CASKIN2: variants seen among roughly 807,000 people sequenced by gnomAD.
CASKIN2 encodes the protein CASK interacting protein 2, also known as caskin-2.
CASKIN2 carries 41 observed loss-of-function variants against 107.1 expected under a neutral mutation model. The observed-to-expected ratio is 0.38, with a 90% confidence interval of 0.30 to 0.50. The LOEUF is 0.50. CASKIN2 is among the 20% of genes least tolerant of loss of function. The pLI is 0.92. For missense variants in CASKIN2, 1,546 were observed against 1,657.4 expected, an observed-to-expected ratio of 0.93 and a Z score of 1.17; for synonymous variants, 724 against 705.6, an observed-to-expected ratio of 1.03 and a Z score of -0.41.
chr17:75,510,923 C>A (rs887248570), intron 2 of CASKIN2, among the ~76,000 whole-genome samples: 1 of 151,924 alleles, frequency 6.6e-6, no homozygotes, highest in African/African-American at 2.4e-5. Context: ...TGAAACAATC[C>A]CTAGGCCAGC....
chr17:75,504,048 G>A, intron 14 of CASKIN2, 86 bp from the exon 15 acceptor site: 1 of 1,309,960 alleles, frequency 7.6e-7, no homozygotes, highest in Non-Finnish European at 1.1e-6. Flanking sequence ...TGCCTGAGCG[G>A]GGCTTCAGTC....
At position 75,501,784 on chromosome 17, in the gene CASKIN2, C is replaced by T. The variant is rs2053191896; in HGVS notation, c.3290G>A (p.Gly1097Glu). 2.6e-6 allele frequency: 4 copies of T among 1,534,014 alleles called. No individual in the cohort carries two copies. The African/African-American group carries it at 4.1e-5, about 16-fold the overall frequency. ...CCACAGGCCTCCCCTCTTACCTGCT[C>T]CGGGCACCTTGAGGAGGGCAGCAGG... ...AAPAALLKVP[G>E]AGTAPKPVSV... Residue 1097 changes from glycine (G) to glutamate (E), a missense_variant, in exon 18 of 20, where the codon GGA becomes GAA. Around this residue, in one of 6 missense-constraint regions of CASKIN2, gnomAD observed 1,311 missense variants for 1,311.0 expected, o/e 1.00. Transcript: ENST00000321617.
intron 18 of CASKIN2, 42 bp from the exon 19 acceptor site, chr17:75,501,732 GAC>G (rs1227275322): frequency 1.2e-5 from 19 of 1,533,432 alleles, no homozygotes; most frequent in Non-Finnish European, 1.5e-5. Flanking sequence ...GGCTGGGTCA[GAC>G]ACAACCCTGC....
rs1567996072 is a variant in CASKIN2, at chr17:75,506,735, T to TA, written c.487-23dup. 1.2e-6 allele frequency: 2 copies of TA among 1,613,624 alleles called. No individual in the cohort carries two copies. Among genetic ancestry groups the TA allele is most frequent in the Non-Finnish European group, 1.7e-6 (2 of 1,179,968 alleles). On this transcript the variant is annotated intron_variant, in intron 6 of 19. Coordinates refer to ENST00000321617, the MANE Select transcript of CASKIN2 (RefSeq NM_020753.5). The surrounding 1 kb of genome is among the most constrained non-coding windows in gnomAD (Gnocchi z 4.8). ...CCACCTGCAGCACCCAGTGCCCAGT[T>TA]AGAGCCTCCTCCTGAGACCCTGTAG...
chr17:75,502,471 G>A lies in CASKIN2; in HGVS notation c.2603C>T (p.Pro868Leu), dbSNP rs759375737. 10 of 1,450,560 alleles carry A rather than the reference G, an allele frequency of 6.9e-6. No individual in the cohort carries two copies. The highest frequency in any genetic ancestry group is 2.5e-5 in the East Asian group (1 of 40,210). 89.9% of individuals were successfully genotyped at this position (1,450,560 alleles called of 1,614,324 possible). ...SFALRARRKGPPPPPPKRLSS... is the reference protein window; with the variant it reads ...SFALRARRKGLPPPPPKRLSS... ...GAGGCGCTTGGGGGGCGGGGGCGGGGGGCCTTTGCGCCGGGCCCGCAGGGC... is the reference window on the plus strand; with the variant it reads ...GAGGCGCTTGGGGGGCGGGGGCGGGAGGCCTTTGCGCCGGGCCCGCAGGGC... Residue 868 changes from proline to leucine, a missense_variant, in exon 18 of 20, where the codon CCC becomes CTC. Pro to Leu is a moderately conservative substitution (Grantham distance 98). Around this residue, in one of 6 missense-constraint regions of CASKIN2, gnomAD observed 1,311 missense variants for 1,311.0 expected, o/e 1.00. Coordinates refer to ENST00000321617, the MANE Select transcript of CASKIN2 (RefSeq NM_020753.5). The surrounding 1 kb of genome is among the most constrained non-coding windows in gnomAD (Gnocchi z 4.3).
At chr17:75,509,292 G>A (rs534699763) in intron 2 of CASKIN2, among the ~76,000 whole-genome samples, 77 of 152,346 alleles carry the variant, frequency 5.1e-4, no homozygotes, top group Middle Eastern at 3.4e-3. Flanking sequence ...CCACCCTGCA[G>A]GGAAGGAGTG....
chr17:75,507,436 A>C, intron 4 of CASKIN2, 148 bp downstream of exon 4: 1 of 650,904 alleles, frequency 1.5e-6, no homozygotes, highest in Non-Finnish European at 2.7e-6. Flanking sequence ...TGAAGAGTAA[A>C]CGGGGAAAAG....
chr17:75,505,073 C>T lies in CASKIN2; in HGVS notation c.931G>A (p.Val311Met). ...LNVRAGDVIT[V>M]LEQHPDGRWK... The stretch of plus-strand genomic sequence containing the variant: ...CGGCCGTCGGGATGCTGTTCTAGCA[C>T]CTGCGGCCAGGGGTGGGGGGCGGGG... The change falls in exon 11 of 20, where the codon GTG (valine) becomes ATG (methionine). Residue 311 changes from valine (V) to methionine (M), a missense_variant and splice_region_variant. Around this residue, in one of 6 missense-constraint regions of CASKIN2, gnomAD observed 1,311 missense variants for 1,311.0 expected, o/e 1.00. Coordinates refer to ENST00000321617, the MANE Select transcript of CASKIN2 (RefSeq NM_020753.5). This position sits in a 1 kb window ranked among gnomAD's most constrained non-coding sequence, Gnocchi z 5.1. 1 of 1,610,128 alleles carries T rather than the reference C, an allele frequency of 6.2e-7. No homozygotes were observed. Among genetic ancestry groups the T allele is most frequent in the Non-Finnish European group, 8.5e-7 (1 of 1,179,462 alleles).
In CASKIN2 at chr17:75,505,207, C is replaced by A. The variant is rs1348044363; in HGVS notation, c.931-134G>T. The stretch of plus-strand genomic sequence containing the variant: ...CCCCTAAGGAGCTGGCCTCTGATGC[C>A]CACACTGGCCCAAGTTCCGCCCCTG... On this transcript the variant is annotated intron_variant, in intron 10 of 19. Transcript: ENST00000321617. This position sits in a 1 kb window ranked among gnomAD's most constrained non-coding sequence, Gnocchi z 5.1. 4 of 990,508 alleles carry A rather than the reference C, an allele frequency of 4.0e-6. No individual in the cohort carries two copies. Among genetic ancestry groups the A allele is most frequent in the Non-Finnish European group, 6.1e-6 (4 of 659,020 alleles). 61.4% of individuals were successfully genotyped at this position (990,508 alleles called of 1,614,324 possible).
At chr17:75,508,061 C>T (rs2053284502) in intron 3 of CASKIN2, among the ~76,000 whole-genome samples, 173 bp downstream of exon 3, 1 of 152,144 alleles carries the variant, frequency 6.6e-6, no homozygotes, top group Admixed American at 6.5e-5. Flanking sequence ...GGGCGGGTGC[C>T]CCCTCCCTCC....
intron 2 of CASKIN2, among the ~76,000 whole-genome samples, chr17:75,512,616 G>A (rs542593622): frequency 1.3e-5 from 2 of 152,292 alleles, no homozygotes; most frequent in East Asian, 1.9e-4. Context: ...CTTTTTAAAA[G>A]CTATCTCGTG....
intron 2 of CASKIN2, 135 bp from the exon 3 acceptor site, chr17:75,508,420 C>CG (rs765196383): frequency 2.2e-4 from 214 of 951,444 alleles, no homozygotes; most frequent in Admixed American, 1.2e-3. Flanking sequence ...CCGCCTGTCC[C>CG]GTCCCTGTGG....
rs775709526 is a variant in CASKIN2, at chr17:75,504,659, G to A, written c.1227C>T (p.Ser409=). 14 of 1,604,180 alleles carry A rather than the reference G, an allele frequency of 8.7e-6. No homozygotes were observed. The highest frequency in any genetic ancestry group is 1.3e-5 in the African/African-American group (1 of 74,730). ...TGCCGGCACTGCGGATGCTGCCCAC[G>A]CTGCCCTCACTGCCCACACTATTCC... The part of the protein sequence containing the change: ...GDRNSVGSEG[S]VGSIRSAGSG... The change falls in exon 12 of 20, where the codon AGC becomes AGT. Residue 409 remains serine, a synonymous_variant. Transcript: ENST00000321617.
chr17:75,514,341 T>C (rs1196491037), intron 1 of CASKIN2, 133 bp from the exon 2 acceptor site: 1 of 388,544 alleles, frequency 2.6e-6, no homozygotes, highest in Non-Finnish European at 4.5e-6. Context: ...TCGGAGTCGA[T>C]GGTGATGCTG....
chr17:75,508,679 A>G (rs1325869528), intron 2 of CASKIN2, among the ~76,000 whole-genome samples: 1 of 152,134 alleles, frequency 6.6e-6, no homozygotes, highest in African/African-American at 2.4e-5. Flanking sequence ...AGAGAGAAGG[A>G]AAGAGGCACT....
rs1398253977 is a variant in CASKIN2, at chr17:75,502,517, T to C, written c.2557A>G (p.Thr853Ala). ...AGGGCAAAGGACTGGCTGCGAGGAG[T>C]CCCCCGAGCTGGGGTTGGGGTCACA... ...PSVTPTPARG[T>A]PRSQSFALRA... The change falls in exon 18 of 20, where the codon ACT becomes GCT. Residue 853 changes from threonine to alanine, a missense_variant. Thr to Ala is a moderately conservative substitution (Grantham distance 58). Coordinates refer to ENST00000321617, the MANE Select transcript of CASKIN2 (RefSeq NM_020753.5). This position sits in a 1 kb window ranked among gnomAD's most constrained non-coding sequence, Gnocchi z 4.3. 2 of 1,470,486 alleles carry C rather than the reference T, an allele frequency of 1.4e-6. No homozygotes were observed. The highest frequency in any genetic ancestry group is 1.8e-6 in the Non-Finnish European group (2 of 1,106,348). The allele number at this position is 1,470,486 out of a possible 1,614,324, so 91.1% of individuals were successfully genotyped here. A position where few individuals can be genotyped will look rare whatever the true frequency, so the allele number is the denominator to read the frequency against.
rs202139616 is a variant in CASKIN2, at chr17:75,502,096, C to T, written c.2978G>A (p.Arg993Lys). 3.1e-6 allele frequency: 5 copies of T among 1,609,500 alleles called. No homozygotes were observed. The highest frequency in any genetic ancestry group is 1.7e-4 in the Middle Eastern group (1 of 6,056). The change falls in exon 18 of 20, where the codon AGG becomes AAG. Residue 993 changes from arginine to lysine, a missense_variant. By Grantham distance (26) the Arg-to-Lys change is conservative. Transcript: ENST00000321617. This position sits in a 1 kb window ranked among gnomAD's most constrained non-coding sequence, Gnocchi z 4.3. The stretch of plus-strand genomic sequence containing the variant: ...TGGCTCTCTCTCCCGGCACTTGGGC[C>T]TCCGCTTAACAGTGTCTGATTCCGT... ...NLTESDTVKR[R>K]PKCREREPLQ...
At chr17:75,515,042 C>T (rs930791461) in intron 1 of CASKIN2, among the ~76,000 whole-genome samples, 2 of 152,226 alleles carry the variant, frequency 1.3e-5, no homozygotes, top group African/African-American at 4.8e-5. Context: ...CCCCTCACTC[C>T]CCAAACGTCC....
At position 75,506,955 on chromosome 17, in the gene CASKIN2, G is replaced by A. The variant is rs2053272113; in HGVS notation, c.390+29C>T. 5 of 1,612,716 alleles carry A rather than the reference G, an allele frequency of 3.1e-6. No individual in the cohort carries two copies. The highest frequency in any genetic ancestry group is 1.1e-5 in the South Asian group (1 of 91,010). On this transcript the variant is annotated intron_variant, in intron 5 of 19. Coordinates refer to ENST00000321617, the MANE Select transcript of CASKIN2 (RefSeq NM_020753.5). The surrounding 1 kb of genome is among the most constrained non-coding windows in gnomAD (Gnocchi z 4.8). ...TGTCCGGCACCCCACCCTGCCCTGC[G>A]CCACGCCCCTGTGGGCAGCCTCACG...
Sources: gnomAD v4.1 joint callset for allele counts (sites outside exome capture counted in the v4.1 genomes callset) on GRCh38, gnomAD v4.1.1 for gene constraint, gnomAD v4.1.1 regional missense constraint, Gnocchi (gnomAD v3.1) non-coding constraint, MANE v1.5 for transcripts, NCBI Gene and HGNC (gene_info 2026-07-23, HGNC 2026-07-21) for gene names.